Variants in WDPCP observed in about 807,000 individuals in gnomAD.
WDPCP encodes WD repeat-containing and planar cell polarity effector protein fritz homolog.
Under a neutral mutation model 93.1 loss-of-function variants are expected in WDPCP, and 71 were observed. The ratio of observed to expected loss-of-function variants is 0.76; its 90% CI spans 0.63 to 0.93. The LOEUF (loss-of-function observed/expected upper bound fraction) is 0.93. Among genes scored for constraint, WDPCP ranks in the 40% least tolerant of loss-of-function variants. The pLI is 0.00. For synonymous variants in WDPCP, 315 were observed against 315.0 expected (o/e 1.00, Z 0.00); for missense variants, 844 against 887.4 (o/e 0.95, Z 0.62).
chr2:63,508,333 C>T (rs544200059), intron 1 of WDPCP, among the ~76,000 whole-genome samples: 5 of 152,214 alleles, frequency 3.3e-5, no homozygotes, highest in African/African-American at 1.2e-4. Flanking sequence ...TGCAACCAAA[C>T]TAAGCTTCAT....
At chr2:63,818,713 C>T (rs1487471192) in intron 1 of WDPCP, among the ~76,000 whole-genome samples, 2 of 152,140 alleles carry the variant, frequency 1.3e-5, no homozygotes, top group African/African-American at 2.4e-5. Flanking sequence ...AGTATGATTC[C>T]TTTCACATAA....
At chr2:63,574,693 T>C (rs1480837741) in intron 1 of WDPCP, among the ~76,000 whole-genome samples, 1 of 151,526 alleles carries the variant, frequency 6.6e-6, no homozygotes, top group Non-Finnish European at 1.5e-5. Flanking sequence ...TATTGAACAA[T>C]AAGAAAAAAA....
At chr2:63,752,187 G>C (rs1669893483) in intron 2 of WDPCP, 3 of 658,524 alleles carry the variant, frequency 4.6e-6, no homozygotes, top group East Asian at 2.7e-5. Context: ...AGCTTATAAA[G>C]ACAAAGCTCC....
At chr2:63,762,533 A>G (rs1460783342) in intron 2 of WDPCP, among the ~76,000 whole-genome samples, 1 of 152,166 alleles carries the variant, frequency 6.6e-6, no homozygotes, top group Non-Finnish European at 1.5e-5. Context: ...GTAATTTATA[A>G]GAATATATTA....
intron 12 of WDPCP, among the ~76,000 whole-genome samples, chr2:63,323,117 G>C (rs1424856023): frequency 2.6e-5 from 4 of 152,230 alleles, no homozygotes; most frequent in East Asian, 1.9e-4. Flanking sequence ...ACAACAAGTT[G>C]GTTGACCCTG....
intron 13 of WDPCP, among the ~76,000 whole-genome samples, chr2:63,288,638 C>T (rs1264197024): frequency 6.6e-6 from 1 of 152,134 alleles, no homozygotes; most frequent in African/African-American, 2.4e-5. Context: ...TTCTTTTCCA[C>T]AAATTAGGAC....
At chr2:63,763,888 G>A (rs1025462883) in intron 2 of WDPCP, among the ~76,000 whole-genome samples, 1 of 152,034 alleles carries the variant, frequency 6.6e-6, no homozygotes, top group African/African-American at 2.4e-5. Flanking sequence ...GGTCACAGAT[G>A]GCCAGATCTC....
intron 12 of WDPCP, among the ~76,000 whole-genome samples, chr2:63,354,714 ATG>A (rs150962868): frequency 0.25 from 37,294 of 149,406 alleles, 4,852 homozygotes; most frequent in Non-Finnish European, 0.27. Flanking sequence ...GTATATATGT[ATG>A]TGTGTGTGTG....
intron 6 of WDPCP, among the ~76,000 whole-genome samples, chr2:63,478,093 G>A (rs927469606): frequency 1.3e-5 from 2 of 152,080 alleles, no homozygotes; most frequent in Non-Finnish European, 2.9e-5. Flanking sequence ...GAGACAAAGA[G>A]TGACATTATA....
intron 2 of WDPCP, among the ~76,000 whole-genome samples, chr2:63,489,642 G>C (rs1484892497): frequency 2.0e-5 from 3 of 152,176 alleles, no homozygotes; most frequent in East Asian, 3.9e-4. Flanking sequence ...ATGTCAAAAA[G>C]ACACAGAAGC....
chr2:63,460,978 CA>C (rs1304950020), intron 6 of WDPCP, among the ~76,000 whole-genome samples: 2 of 152,036 alleles, frequency 1.3e-5, no homozygotes, highest in African/African-American at 4.8e-5. Context: ...TCTAAAACCA[CA>C]AAATAAAGGA....
intron 12 of WDPCP, among the ~76,000 whole-genome samples, chr2:63,341,275 C>T (rs533170476): frequency 4.6e-5 from 7 of 152,192 alleles, no homozygotes; most frequent in Non-Finnish European, 7.4e-5. Context: ...ACTACAGGAG[C>T]GCACCACCAT....
chr2:63,319,129 T>C (rs1391702770), intron 12 of WDPCP, among the ~76,000 whole-genome samples: 1 of 152,166 alleles, frequency 6.6e-6, no homozygotes, highest in Non-Finnish European at 1.5e-5. Flanking sequence ...ACTCCTCCAA[T>C]TTGTCGATTT....
chr2:63,540,817 G>C lies in WDPCP; in HGVS notation c.75+47380C>G, dbSNP rs144309802. On this transcript the variant is annotated intron_variant, in intron 1 of 17. Transcript: ENST00000272321. ...TGCCCAGGCTGGAGTGCAGTGGGGC[G>C]ATCTCAGTTCACTGCAGCCACAACT... Among the ~76,000 whole-genome samples the C allele has an allele frequency of 5.5e-3, 832 of 151,872 alleles. 8 individuals carry two copies. Among genetic ancestry groups the C allele is most frequent in the East Asian group, 0.032 (168 of 5,174 alleles).
At chr2:63,386,296 C>T (rs1692723852) in intron 10 of WDPCP, among the ~76,000 whole-genome samples, 1 of 151,944 alleles carries the variant, frequency 6.6e-6, no homozygotes, top group South Asian at 2.1e-4. Context: ...AAAATATTCA[C>T]AATACAAGTA....
intron 2 of WDPCP, among the ~76,000 whole-genome samples, chr2:63,796,484 T>G (rs1670618912): frequency 6.6e-6 from 1 of 152,242 alleles, no homozygotes; most frequent in Admixed American, 6.5e-5. Flanking sequence ...AGTCTTGAAT[T>G]GCTGGTACTA....
chr2:63,418,167 C>A (rs952779825), intron 9 of WDPCP, among the ~76,000 whole-genome samples: 23 of 152,058 alleles, frequency 1.5e-4, no homozygotes, highest in South Asian at 1.5e-3. Flanking sequence ...CTAGAAAAAA[C>A]CAGACTTTTA....
intron 3 of WDPCP, among the ~76,000 whole-genome samples, chr2:63,630,300 A>G (rs948709432): frequency 3.3e-5 from 5 of 152,212 alleles, no homozygotes; most frequent in Non-Finnish European, 5.9e-5. Context: ...TAATTACTTT[A>G]AAGGAAAATG....
At chr2:63,268,234 T>C (rs1375738810) in intron 13 of WDPCP, among the ~76,000 whole-genome samples, 1 of 152,146 alleles carries the variant, frequency 6.6e-6, no homozygotes, top group Non-Finnish European at 1.5e-5. Flanking sequence ...GAAAGAAAGA[T>C]ACTGTATGAT....
Sources: allele counts gnomAD v4.1 joint callset (sites outside exome capture counted in the v4.1 genomes callset), GRCh38; gene constraint gnomAD v4.1.1; transcripts MANE v1.5; gene names NCBI Gene and HGNC (gene_info 2026-07-23, HGNC 2026-07-21).